CLEC1A: variants seen among roughly 807,000 people sequenced by gnomAD.
The protein encoded by CLEC1A is C-type lectin domain family 1 member A.
A neutral mutation model predicts 28.7 loss-of-function variants in CLEC1A; 34 were observed. The observed-to-expected ratio is 1.18, with a 90% confidence interval of 0.90 to 1.57. The LOEUF (loss-of-function observed/expected upper bound fraction) is 1.57, where lower values mean the gene tolerates loss of function less well. Ranked by LOEUF, CLEC1A falls within the 40% of genes most tolerant of loss-of-function variation. The pLI is 0.00. For synonymous variants in CLEC1A, 116 were observed against 121.0 expected (o/e 0.96, Z 0.27); for missense variants, 385 against 339.5 (o/e 1.13, Z -1.05).
intron 1 of CLEC1A, 38 bp from the exon 2 acceptor site, chr12:10,089,260 T>C (rs1565606634): frequency 6.4e-7 from 1 of 1,556,830 alleles, no homozygotes; most frequent in African/African-American, 1.4e-5. Flanking sequence ...TTTGGCTTTT[T>C]CTTCCTCTTG....
At chr12:10,097,071 C>G (rs1290493620) in intron 1 of CLEC1A, among the ~76,000 whole-genome samples, 2 of 152,128 alleles carry the variant, frequency 1.3e-5, no homozygotes, top group Non-Finnish European at 2.9e-5. Flanking sequence ...GATAACATGA[C>G]CCCAAACATA....
At chr12:10,087,491 T>C (rs1215623886) in intron 2 of CLEC1A, among the ~76,000 whole-genome samples, 4 of 123,398 alleles carry the variant, frequency 3.2e-5, no homozygotes, top group African/African-American at 1.4e-4. Flanking sequence ...TATATATATA[T>C]ATATATATAT....
chr12:10,089,191 T>C lies in CLEC1A; in HGVS notation c.147A>G (p.Pro49=), dbSNP rs757854371. The C allele has an allele frequency of 1.1e-5, 18 of 1,613,952 alleles. No individual in the cohort carries two copies. The highest frequency in any genetic ancestry group is 1.5e-5 in the Non-Finnish European group (18 of 1,179,968). The change falls in exon 2 of 6, where the codon CCA becomes CCG. Residue 49 remains proline (P), a synonymous_variant. Coordinates refer to ENST00000315330, the MANE Select transcript of CLEC1A (RefSeq NM_016511.4). ...ACAAAGTCAGCAGGGTCAGGGCCAC[T>C]GGTCGCCACGTTGAAGAGGGAGCCC... is the stretch of plus-strand genomic sequence containing the variant. ...EHRAPSSTWR[P]VALTLLTLCL...
At chr12:10,081,042 G>T (rs1370580107) in intron 3 of CLEC1A, among the ~76,000 whole-genome samples, 195 bp downstream of exon 3, 1 of 152,114 alleles carries the variant, frequency 6.6e-6, no homozygotes, top group East Asian at 1.9e-4. Context: ...CATTTGAAGA[G>T]TCCCTTGATG....
At chr12:10,094,770 G>A (rs1043246224) in intron 1 of CLEC1A, among the ~76,000 whole-genome samples, 52 of 152,116 alleles carry the variant, frequency 3.4e-4, no homozygotes, top group African/African-American at 1.2e-3. Context: ...CCAGCAAGAT[G>A]AATTCTGAAA....
intron 2 of CLEC1A, among the ~76,000 whole-genome samples, chr12:10,085,463 G>A (rs1002976038): frequency 4.7e-4 from 70 of 148,460 alleles, no homozygotes; most frequent in African/African-American, 1.6e-3. Context: ...GATATTCCAC[G>A]CAAATGGAAA....
chr12:10,093,696 T>C (rs965798995), intron 1 of CLEC1A, among the ~76,000 whole-genome samples: 5 of 151,890 alleles, frequency 3.3e-5, no homozygotes, highest in African/African-American at 1.2e-4. Context: ...TAGGATTAAA[T>C]TATGTTTAAC....
intron 1 of CLEC1A, among the ~76,000 whole-genome samples, chr12:10,095,004 A>G (rs1428865776): frequency 6.6e-6 from 1 of 152,082 alleles, no homozygotes; most frequent in Non-Finnish European, 1.5e-5. Flanking sequence ...GGCCTCCAAC[A>G]TTGATTTAAT....
At chr12:10,091,467 C>T (rs921704578) in intron 1 of CLEC1A, among the ~76,000 whole-genome samples, 1 of 151,894 alleles carries the variant, frequency 6.6e-6, no homozygotes, top group African/African-American at 2.4e-5. Context: ...CAGCTAAATA[C>T]ATCTCCCAGC....
chr12:10,098,167 G>A (rs1213877890), intron 1 of CLEC1A, among the ~76,000 whole-genome samples: 1 of 152,032 alleles, frequency 6.6e-6, no homozygotes, highest in East Asian at 1.9e-4. Flanking sequence ...ATGTTAAAAT[G>A]TGGGATTCCT....
chr12:10,087,121 C>T (rs1468634394), intron 2 of CLEC1A, among the ~76,000 whole-genome samples: 1 of 146,162 alleles, frequency 6.8e-6, no homozygotes, highest in Non-Finnish European at 1.5e-5. Flanking sequence ...AGGAAAATCC[C>T]TTGAACCCGG....
intron 1 of CLEC1A, among the ~76,000 whole-genome samples, chr12:10,097,495 C>T (rs1293719179): frequency 6.6e-6 from 1 of 152,086 alleles, no homozygotes; most frequent in African/African-American, 2.4e-5. Flanking sequence ...TAACTATTTC[C>T]AGATGATTTC....
Position 10,071,508 on chromosome 12 carries a change from T to C in CLEC1A, c.668A>G (p.His223Arg), listed in dbSNP as rs777828931. Residue 223 changes from histidine (H) to arginine (R), a missense_variant, in exon 6 of 6, where the codon CAT becomes CGT. His to Arg is a conservative substitution (Grantham distance 29). Transcript: ENST00000315330. ...DGTPFTSELF[H>R]IIIDVTSPRS... ...TGGGCTGGTGACATCTATTATAATA[T>C]GGAACCTTAAGAAAGGAAGAAAAAG... The C allele has an allele frequency of 5.0e-6, 8 of 1,592,808 alleles. No individual in the cohort carries two copies. In the African/African-American group the frequency reaches 5.4e-5, roughly 11 times the overall value.
In CLEC1A at chr12:10,098,878, A is replaced by G; in HGVS notation, c.45T>C (p.Asp15=). Residue 15 remains aspartate, a synonymous_variant, in exon 1 of 6, where the codon GAT becomes GAC. Transcript: ENST00000315330. ...AATGCAGGCTCATGGTGGTGTCCCC[A>G]TCATCATCCAGCATGTCCCTCGTGC... ...YSSTRDMLDD[D]GDTTMSLHSQ... is the part of the protein sequence containing the mutation. 2 of 1,613,486 alleles carry G rather than the reference A, an allele frequency of 1.2e-6. No homozygotes were observed. The highest frequency in any genetic ancestry group is 2.2e-5 in the East Asian group (1 of 44,874).
Position 10,088,994 on chromosome 12 carries a change from A to G in CLEC1A, c.214+130T>C, listed in dbSNP as rs1352477. The G allele has an allele frequency of 9.7e-4, 713 of 732,118 alleles. 7 individuals carry two copies. In the African/African-American group the frequency reaches 0.012, roughly 12 times the overall value. 45.4% of individuals were successfully genotyped at this position (732,118 alleles called of 1,614,324 possible). A position where few individuals can be genotyped will look rare whatever the true frequency, so the allele number is the denominator to read the frequency against. On this transcript the variant is annotated intron_variant, in intron 2 of 5. Transcript: ENST00000315330. ...TTCACTATTTAAATAGTTGCCATTT[A>G]AAAAAAGATACACTGAATTTTCCAA... is the stretch of plus-strand genomic sequence containing the variant.
chr12:10,094,277 C>A (rs1454188982), intron 1 of CLEC1A, among the ~76,000 whole-genome samples: 1 of 152,008 alleles, frequency 6.6e-6, no homozygotes. Flanking sequence ...CTCACAAACA[C>A]CCCCTATAAG....
chr12:10,071,736 C>T (rs1424640328), intron 5 of CLEC1A, among the ~76,000 whole-genome samples: 1 of 152,130 alleles, frequency 6.6e-6, no homozygotes, highest in African/African-American at 2.4e-5. Flanking sequence ...CTAACTAAAG[C>T]GAAGCTACGT....
intron 4 of CLEC1A, among the ~76,000 whole-genome samples, chr12:10,073,708 A>T (rs1866189246): frequency 1.3e-5 from 2 of 152,236 alleles, no homozygotes; most frequent in African/African-American, 4.8e-5. Context: ...ATTAAACATT[A>T]ATGTTGACAT....
At chr12:10,074,025 A>G (rs1389917141) in intron 4 of CLEC1A, among the ~76,000 whole-genome samples, 1 of 152,122 alleles carries the variant, frequency 6.6e-6, no homozygotes, top group East Asian at 1.9e-4. Flanking sequence ...ACTTACTTCT[A>G]TCTAGTCTCA....
Sources: allele counts gnomAD v4.1 joint callset (sites outside exome capture counted in the v4.1 genomes callset), GRCh38; gene constraint gnomAD v4.1.1; transcripts MANE v1.5; gene names NCBI Gene and HGNC (gene_info 2026-07-23, HGNC 2026-07-21).